The following CPNE1 variants were observed in gnomAD, a reference collection of about 807,000 sequenced individuals.
CPNE1 encodes copine 1.
A neutral mutation model predicts 63.2 loss-of-function variants in CPNE1; 58 were observed. The ratio of observed to expected loss-of-function variants is 0.92; its 90% CI spans 0.74 to 1.14. The LOEUF (loss-of-function observed/expected upper bound fraction) is 1.14. CPNE1 is among the 50% of genes most tolerant of loss of function. The probability of loss-of-function intolerance (pLI) is 0.00; values close to 1 mark genes in which losing one functional copy is unlikely to be tolerated. For missense variants in CPNE1, 672 were observed against 661.7 expected (o/e 1.02, Z -0.17); for synonymous variants, 237 against 249.0 (o/e 0.95, Z 0.45).
chr20:35,636,092 T>C (rs940209637), intron 1 of CPNE1, among the ~76,000 whole-genome samples: 4 of 152,226 alleles, frequency 2.6e-5, no homozygotes, highest in South Asian at 2.1e-4. Flanking sequence ...ACTCATCTGA[T>C]ACCTGGAAGC....
At chr20:35,658,654 G>A (rs923876584) in intron 1 of CPNE1, among the ~76,000 whole-genome samples, 1 of 152,006 alleles carries the variant, frequency 6.6e-6, no homozygotes, top group African/African-American at 2.4e-5. Flanking sequence ...CCAGCTATTC[G>A]GGAGGCTGAG....
chr20:35,647,950 C>T (rs2033237514), intron 1 of CPNE1, among the ~76,000 whole-genome samples: 1 of 150,800 alleles, frequency 6.6e-6, no homozygotes. Context: ...CCTATAGTCT[C>T]AGCTACTGAG....
intron 11 of CPNE1, 34 bp downstream of exon 11, chr20:35,630,862 TGCAGG>T (rs1190484853): frequency 1.9e-6 from 3 of 1,603,428 alleles, no homozygotes; most frequent in Non-Finnish European, 2.6e-6. Flanking sequence ...CTGAAGCATC[TGCAGG>T]GAGCGGGTAT....
chr20:35,630,698 C>T (rs765164167), intron 12 of CPNE1, 43 bp downstream of exon 12: 2 of 1,606,806 alleles, frequency 1.2e-6, no homozygotes, highest in East Asian at 2.2e-5. Context: ...AAATCAGGAC[C>T]CTGAAACTGA....
chr20:35,647,141 T>A (rs938367743), intron 1 of CPNE1, among the ~76,000 whole-genome samples: 4 of 151,636 alleles, frequency 2.6e-5, no homozygotes, highest in Admixed American at 2.0e-4. Flanking sequence ...TGAAACCCCA[T>A]CTCTACTAAA....
chr20:35,641,111 G>A (rs2032778927), intron 1 of CPNE1, among the ~76,000 whole-genome samples: 1 of 152,144 alleles, frequency 6.6e-6, no homozygotes. Flanking sequence ...TGTCCCTTAA[G>A]AAAGGCATAC....
At chr20:35,653,288 C>A (rs183414249) in intron 1 of CPNE1, 1 of 1,613,672 alleles carries the variant, frequency 6.2e-7, no homozygotes, top group East Asian at 2.2e-5. Context: ...ATTGCTGAAC[C>A]AGGCAGTCCT....
intron 13 of CPNE1, among the ~76,000 whole-genome samples, chr20:35,627,814 T>C (rs1297585947): frequency 6.6e-6 from 1 of 152,060 alleles, no homozygotes; most frequent in Non-Finnish European, 1.5e-5. Context: ...ATCACAGAAA[T>C]GACTGATTCA....
intron 13 of CPNE1, among the ~76,000 whole-genome samples, chr20:35,630,194 T>A (rs2032025505): frequency 6.6e-6 from 1 of 152,210 alleles, no homozygotes; most frequent in Non-Finnish European, 1.5e-5. Flanking sequence ...CTTGGGAGGC[T>A]GAGGCAGAAG....
intron 1 of CPNE1, among the ~76,000 whole-genome samples, chr20:35,656,144 G>A (rs957526064): frequency 2.0e-5 from 3 of 152,104 alleles, no homozygotes; most frequent in African/African-American, 7.2e-5. Context: ...TAAAACTCAG[G>A]TCCAATGACT....
intron 1 of CPNE1, among the ~76,000 whole-genome samples, chr20:35,648,502 T>C (rs2033284143): frequency 6.6e-6 from 1 of 152,192 alleles, no homozygotes; most frequent in South Asian, 2.1e-4. Flanking sequence ...GGCAGCTGAT[T>C]TCACTCAGTG....
intron 1 of CPNE1, among the ~76,000 whole-genome samples, chr20:35,635,891 C>T (rs2032460108): frequency 6.6e-6 from 1 of 151,600 alleles, no homozygotes. Context: ...TGCCCCTCCA[C>T]AGCACCCTGG....
At chr20:35,632,771 C>T in intron 2 of CPNE1, 24 bp downstream of exon 2, 3 of 871,936 alleles carry the variant, frequency 3.4e-6, no homozygotes, top group Non-Finnish European at 6.0e-6. Flanking sequence ...CCTCCACAAC[C>T]TTAACCTCCA....
At chr20:35,630,519 T>C in intron 12 of CPNE1, 29 bp from the exon 13 acceptor site, 1 of 1,612,076 alleles carries the variant, frequency 6.2e-7, no homozygotes, top group Non-Finnish European at 8.5e-7. Flanking sequence ...ATGAGGTTCT[T>C]TCCCCATGAC....
At chr20:35,653,460 T>C in intron 1 of CPNE1, 5 of 1,614,208 alleles carry the variant, frequency 3.1e-6, no homozygotes, top group Non-Finnish European at 4.2e-6. Flanking sequence ...TCATATCTTC[T>C]AGGGTAACTA....
At chr20:35,644,268 A>C (rs1459970298) in intron 1 of CPNE1, among the ~76,000 whole-genome samples, 1 of 152,164 alleles carries the variant, frequency 6.6e-6, no homozygotes, top group Non-Finnish European at 1.5e-5. Flanking sequence ...GAGTGGATCC[A>C]GGAGGAATGC....
rs1482945570 is a variant in CPNE1 at position 35,626,628 on chromosome 20, C to T, written c.1412G>A (p.Arg471His). The T allele has an allele frequency of 2.5e-6, 4 of 1,614,188 alleles. No individual in the cohort carries two copies. Among genetic ancestry groups the T allele is most frequent in the African/African-American group, 1.3e-5 (1 of 75,046 alleles). ...GTCGCGGGCAGCAGCCTGCCCAGAA[C>T]GTGTATGCAGGGGTCCACCATCAGC... ...LDADGGPLHT[R>H]SGQAAARDIV... Residue 471 changes from arginine (R) to histidine (H), a missense_variant, in exon 15 of 16, where the codon CGT becomes CAT. Physicochemically the swap from Arg to His is conservative, Grantham distance 29. Coordinates refer to ENST00000397443, the MANE Select transcript of CPNE1 (RefSeq NM_152925.3).
intron 1 of CPNE1, among the ~76,000 whole-genome samples, chr20:35,662,510 G>A (rs553616405): frequency 2.0e-4 from 30 of 152,206 alleles, no homozygotes; most frequent in African/African-American, 7.2e-4. Context: ...GCACTTGTGG[G>A]CCAGACAAAA....
intron 1 of CPNE1, among the ~76,000 whole-genome samples, chr20:35,662,205 T>C (rs1323900206): frequency 2.0e-5 from 3 of 152,200 alleles, no homozygotes; most frequent in African/African-American, 7.2e-5. Flanking sequence ...AAATAAGATA[T>C]TCCTCCTGTC....
Sources: gnomAD v4.1 joint callset for allele counts (sites outside exome capture counted in the v4.1 genomes callset) on GRCh38, gnomAD v4.1.1 for gene constraint, MANE v1.5 for transcripts, NCBI Gene and HGNC (gene_info 2026-07-23, HGNC 2026-07-21) for gene names.